DPP10: variants seen among roughly 807,000 people sequenced by gnomAD.
DPP10 encodes the protein inactive dipeptidyl peptidase 10.
DPP10 carries 33 observed loss-of-function variants against 120.9 expected under a neutral mutation model. The observed-to-expected ratio is 0.27, with a 90% CI of 0.21 to 0.37. DPP10 has a LOEUF of 0.37. DPP10 is among the 10% of genes least tolerant of loss of function. The probability of loss-of-function intolerance (pLI) is 1.00; values close to 1 mark genes in which losing one functional copy is unlikely to be tolerated. For synonymous variants in DPP10, 337 were observed against 326.1 expected (o/e 1.03, Z -0.36); for missense variants, 816 against 942.8 (o/e 0.87, Z 1.76).
Position 115,842,514 on chromosome 2 carries a change from C to A in DPP10, c.*169C>A. 2.7e-6 allele frequency: 2 copies of A among 729,718 alleles called. No individual in the cohort carries two copies. The highest frequency in any genetic ancestry group is 3.3e-5 in the Admixed American group (1 of 30,330). 45.2% of individuals were successfully genotyped at this position (729,718 alleles called of 1,614,324 possible). ...AGCATTTGAATACACAAGTCCAAGT[C>A]TACTGTGTTGCTAGGGGTGCAGAAC... is the stretch of plus-strand genomic sequence containing the variant. On this transcript the variant is annotated 3_prime_UTR_variant, in exon 26 of 26. Coordinates refer to ENST00000410059, the MANE Select transcript of DPP10 (RefSeq NM_020868.6).
intron 1 of DPP10, among the ~76,000 whole-genome samples, chr2:114,976,648 T>C (rs565559105): frequency 1.9e-4 from 29 of 152,322 alleles, no homozygotes; most frequent in African/African-American, 6.3e-4. Context: ...AACAGCATAC[T>C]TTTTCCCCCT....
chr2:115,358,239 C>T (rs926137031), intron 3 of DPP10, among the ~76,000 whole-genome samples: 5 of 152,082 alleles, frequency 3.3e-5, no homozygotes, highest in African/African-American at 1.2e-4. Context: ...AGCACTTTGT[C>T]ACTTAGAAAT....
At chr2:115,479,958 C>A (rs1223461212) in intron 3 of DPP10, among the ~76,000 whole-genome samples, 2 of 152,102 alleles carry the variant, frequency 1.3e-5, no homozygotes, top group Admixed American at 1.3e-4. Context: ...ATGTTCAGAC[C>A]TCAGTTATTT....
intron 1 of DPP10, among the ~76,000 whole-genome samples, chr2:114,860,159 A>T (rs1390526159): frequency 6.6e-6 from 1 of 152,220 alleles, no homozygotes; most frequent in African/African-American, 2.4e-5. Flanking sequence ...TAATTAAGTC[A>T]CAAATTCCCT....
chr2:114,595,041 T>A (rs756096767), intron 1 of DPP10, among the ~76,000 whole-genome samples: 5 of 152,140 alleles, frequency 3.3e-5, no homozygotes, highest in Non-Finnish European at 5.9e-5. Flanking sequence ...TTGGCCTCTC[T>A]GGGCTTTTGT....
intron 5 of DPP10, among the ~76,000 whole-genome samples, chr2:115,669,800 C>G (rs763762098): frequency 1.8e-4 from 28 of 152,266 alleles, no homozygotes; most frequent in Admixed American, 6.5e-4. Context: ...AAGCCTCTGA[C>G]ATGGTATCCC....
intron 19 of DPP10, among the ~76,000 whole-genome samples, chr2:115,800,433 A>C (rs1244430019): frequency 2.6e-5 from 4 of 152,114 alleles, no homozygotes; most frequent in African/African-American, 9.7e-5. Context: ...GAAACTCTTT[A>C]GTTTAATTAG....
At chr2:114,905,667 A>G in intron 1 of DPP10, among the ~76,000 whole-genome samples, 1 of 152,146 alleles carries the variant, frequency 6.6e-6, no homozygotes, top group Non-Finnish European at 1.5e-5. Flanking sequence ...CATTTAACCT[A>G]GCAATCCCAT....
At chr2:114,961,851 G>A (rs1332865636) in intron 1 of DPP10, among the ~76,000 whole-genome samples, 1 of 152,254 alleles carries the variant, frequency 6.6e-6, no homozygotes, top group East Asian at 1.9e-4. Context: ...CTACTAGGGA[G>A]GCTGAGGCAG....
intron 7 of DPP10, among the ~76,000 whole-genome samples, chr2:115,724,775 A>G (rs1487425980): frequency 6.6e-6 from 1 of 152,214 alleles, no homozygotes; most frequent in Non-Finnish European, 1.5e-5. Context: ...CAGGTTGTGC[A>G]AGCATGGCAT....
intron 21 of DPP10, among the ~76,000 whole-genome samples, chr2:115,830,165 G>C (rs1688771824): frequency 6.6e-6 from 1 of 151,930 alleles, no homozygotes; most frequent in Non-Finnish European, 1.5e-5. Flanking sequence ...AGAACAGCCT[G>C]GCCAACATGG....
chr2:115,518,395 C>T (rs13002092), intron 4 of DPP10, among the ~76,000 whole-genome samples: 31,690 of 151,852 alleles, frequency 0.21, 3,869 homozygotes, highest in East Asian at 0.39. Context: ...GTTATATAAA[C>T]CTAAAATGAG....
chr2:115,408,124 G>A (rs1239486631), intron 3 of DPP10, among the ~76,000 whole-genome samples: 4 of 151,962 alleles, frequency 2.6e-5, no homozygotes, highest in Non-Finnish European at 5.9e-5. Context: ...TGTTAAAGTG[G>A]CTTTCAACCA....
intron 1 of DPP10, among the ~76,000 whole-genome samples, chr2:114,862,382 T>C (rs1428937507): frequency 6.6e-6 from 1 of 152,120 alleles, no homozygotes; most frequent in African/African-American, 2.4e-5. Context: ...TTCCTTCCAA[T>C]GTTAGAACAG....
chr2:114,929,474 CT>C lies in DPP10; in HGVS notation c.61-379764del, dbSNP rs574153965. ...AGAGTGTCCATTTAGAGGCCTCCCC[CT>C]GGGAATGCATTCTTTCCTAGGGTTA... is the stretch of plus-strand genomic sequence containing the variant. On this transcript the variant is annotated intron_variant, in intron 1 of 25. Coordinates refer to ENST00000410059, the MANE Select transcript of DPP10 (RefSeq NM_020868.6). Among the ~76,000 whole-genome samples the C allele has an allele frequency of 7.9e-5, 12 of 152,288 alleles. No individual in the cohort carries two copies. The East Asian group carries it at 1.9e-3, about 25-fold the overall frequency.
intron 1 of DPP10, among the ~76,000 whole-genome samples, chr2:114,713,180 G>A (rs752480394): frequency 6.6e-6 from 1 of 151,976 alleles, no homozygotes; most frequent in East Asian, 1.9e-4. Flanking sequence ...TAGAGATGGG[G>A]TTTCACCAGG....
At chr2:114,603,540 G>T (rs1226597502) in intron 1 of DPP10, among the ~76,000 whole-genome samples, 1 of 152,022 alleles carries the variant, frequency 6.6e-6, no homozygotes, top group African/African-American at 2.4e-5. Flanking sequence ...AAATGTTGGT[G>T]GTCCTGACCT....
At chr2:115,275,680 C>G (rs991194248) in intron 1 of DPP10, among the ~76,000 whole-genome samples, 2 of 148,884 alleles carry the variant, frequency 1.3e-5, no homozygotes, top group African/African-American at 2.5e-5. Flanking sequence ...TCATTTTATT[C>G]TAGTAAATTT....
chr2:114,968,097 C>A (rs1699160873), intron 1 of DPP10, among the ~76,000 whole-genome samples: 1 of 152,104 alleles, frequency 6.6e-6, no homozygotes, highest in Non-Finnish European at 1.5e-5. Context: ...TACTTTTCCT[C>A]AAAAAAATTT....
Sources: gnomAD v4.1 joint callset for allele counts (sites outside exome capture counted in the v4.1 genomes callset) on GRCh38, gnomAD v4.1.1 for gene constraint, MANE v1.5 for transcripts, NCBI Gene and HGNC (gene_info 2026-07-23, HGNC 2026-07-21) for gene names.